The following RSRC1 variants were observed in gnomAD, a reference collection of about 807,000 sequenced individuals.
RSRC1 encodes the protein serine/Arginine-related protein 53.
RSRC1 carries 39 observed loss-of-function variants against 49.1 expected under a neutral mutation model. The observed-to-expected ratio is 0.79, with a 90% CI of 0.61 to 1.04. The LOEUF is 1.04. Among genes scored for constraint, RSRC1 ranks in the 50% least tolerant of loss-of-function variants. RSRC1 has a pLI of 0.00. For missense variants in RSRC1, 388 were observed against 402.4 expected (o/e 0.96, Z 0.31); for synonymous variants, 143 against 130.8 (o/e 1.09, Z -0.63).
intron 5 of RSRC1, among the ~76,000 whole-genome samples, chr3:158,321,898 C>T (rs1728783570): frequency 1.3e-5 from 2 of 151,860 alleles, no homozygotes; most frequent in Non-Finnish European, 1.5e-5. Context: ...ATATTATAAA[C>T]TTAATGCAAT....
chr3:158,492,228 C>A (rs891779915), intron 7 of RSRC1, among the ~76,000 whole-genome samples: 2 of 152,170 alleles, frequency 1.3e-5, no homozygotes, highest in African/African-American at 4.8e-5. Flanking sequence ...ATTCAGTTAC[C>A]TCCCACCAGG....
At chr3:158,130,992 C>T (rs1015638867) in intron 3 of RSRC1, among the ~76,000 whole-genome samples, 2 of 152,066 alleles carry the variant, frequency 1.3e-5, no homozygotes, top group Non-Finnish European at 2.9e-5. Context: ...GTTTTCTCGG[C>T]TCATTGCAGT....
At chr3:158,490,798 A>G (rs932900768) in intron 7 of RSRC1, among the ~76,000 whole-genome samples, 7 of 152,204 alleles carry the variant, frequency 4.6e-5, no homozygotes, top group Non-Finnish European at 1.0e-4. Context: ...TGACCTGCTG[A>G]ATGATCTTGA....
At chr3:158,421,487 G>A (rs549595417) in intron 6 of RSRC1, among the ~76,000 whole-genome samples, 1 of 151,756 alleles carries the variant, frequency 6.6e-6, no homozygotes, top group Admixed American at 6.6e-5. Context: ...AGTAATTAAA[G>A]TGAAAGATTC....
intron 1 of RSRC1, among the ~76,000 whole-genome samples, chr3:158,115,046 T>C (rs1714703503): frequency 6.6e-6 from 1 of 152,134 alleles, no homozygotes; most frequent in Admixed American, 6.6e-5. Flanking sequence ...TGAATAGGAG[T>C]GGTGAGAGAG....
intron 5 of RSRC1, among the ~76,000 whole-genome samples, chr3:158,339,578 G>T (rs1362647173): frequency 6.6e-6 from 1 of 152,122 alleles, no homozygotes; most frequent in Non-Finnish European, 1.5e-5. Flanking sequence ...AGCTCTTTGA[G>T]TTGGATGAAT....
At chr3:158,536,312 C>A (rs1712710585) in intron 7 of RSRC1, among the ~76,000 whole-genome samples, 1 of 151,282 alleles carries the variant, frequency 6.6e-6, no homozygotes, top group Non-Finnish European at 1.5e-5. Context: ...GATCCAGAAT[C>A]TAGAAACTTT....
intron 4 of RSRC1, among the ~76,000 whole-genome samples, chr3:158,235,332 A>G (rs569651738): frequency 1.3e-5 from 2 of 152,306 alleles, no homozygotes; most frequent in Admixed American, 1.3e-4. Flanking sequence ...TTTAGAGATC[A>G]GAATATGATG....
At chr3:158,480,969 C>G (rs1225173710) in intron 7 of RSRC1, among the ~76,000 whole-genome samples, 1 of 151,876 alleles carries the variant, frequency 6.6e-6, no homozygotes, top group Admixed American at 6.6e-5. Flanking sequence ...GAATCTAATT[C>G]AACAGAATTA....
At chr3:158,128,200 G>A (rs1218577803) in intron 3 of RSRC1, among the ~76,000 whole-genome samples, 3 of 152,154 alleles carry the variant, frequency 2.0e-5, no homozygotes, top group Non-Finnish European at 2.9e-5. Context: ...AGAAAAGTCA[G>A]AATGTTGGAC....
At chr3:158,396,365 A>G (rs759675639) in intron 6 of RSRC1, among the ~76,000 whole-genome samples, 1 of 151,392 alleles carries the variant, frequency 6.6e-6, no homozygotes, top group Non-Finnish European at 1.5e-5. Flanking sequence ...AATCCCAATT[A>G]TAAGCTGCTT....
At chr3:158,529,372 G>T (rs1435257208) in intron 7 of RSRC1, among the ~76,000 whole-genome samples, 1 of 151,708 alleles carries the variant, frequency 6.6e-6, no homozygotes, top group Non-Finnish European at 1.5e-5. Flanking sequence ...TGGCAGGAGT[G>T]GGTAAAGAAT....
chr3:158,250,447 A>G (rs899734039), intron 4 of RSRC1, among the ~76,000 whole-genome samples: 3 of 152,084 alleles, frequency 2.0e-5, no homozygotes, highest in Admixed American at 1.3e-4. Context: ...GTACAAGGCT[A>G]CCCTTTTCTT....
At chr3:158,115,087 G>C (rs1714708367) in intron 1 of RSRC1, among the ~76,000 whole-genome samples, 1 of 152,084 alleles carries the variant, frequency 6.6e-6, no homozygotes, top group South Asian at 2.1e-4. Context: ...GTTTTCAAGA[G>C]GAATTCTTCC....
chr3:158,179,705 T>C (rs1290144659), intron 3 of RSRC1, among the ~76,000 whole-genome samples: 1 of 152,214 alleles, frequency 6.6e-6, no homozygotes, highest in Non-Finnish European at 1.5e-5. Flanking sequence ...AATGCATGTA[T>C]AGGTTTTTGT....
intron 3 of RSRC1, among the ~76,000 whole-genome samples, chr3:158,176,025 A>G (rs1025248907): frequency 6.6e-6 from 1 of 152,178 alleles, no homozygotes; most frequent in African/African-American, 2.4e-5. Flanking sequence ...ACAGAGAGCC[A>G]AATCATGAGT....
At chr3:158,129,416 G>A (rs1181758742) in intron 3 of RSRC1, among the ~76,000 whole-genome samples, 4 of 150,314 alleles carry the variant, frequency 2.7e-5, no homozygotes, top group South Asian at 2.1e-4. Context: ...TCAGCCTCCC[G>A]GGTAGCTGGG....
intron 7 of RSRC1, among the ~76,000 whole-genome samples, chr3:158,531,570 T>C (rs1712402968): frequency 6.6e-6 from 1 of 151,870 alleles, no homozygotes; most frequent in South Asian, 2.1e-4. Flanking sequence ...CGTCCGCATA[T>C]GTAACATGGT....
chr3:158,150,206 G>T (rs1452146147), intron 3 of RSRC1, among the ~76,000 whole-genome samples: 1 of 152,200 alleles, frequency 6.6e-6, no homozygotes, highest in African/African-American at 2.4e-5. Flanking sequence ...ATTAAAGGCT[G>T]AAAGTTTTTA....
Sources: gnomAD v4.1 joint callset for allele counts (sites outside exome capture counted in the v4.1 genomes callset) on GRCh38, gnomAD v4.1.1 for gene constraint, MANE v1.5 for transcripts, NCBI Gene and HGNC (gene_info 2026-07-23, HGNC 2026-07-21) for gene names.